The following ODR4 variants were observed in gnomAD, a reference collection of about 807,000 sequenced individuals.
The protein encoded by ODR4 is protein odr-4 homolog.
In ODR4, 47 loss-of-function variants were observed where a neutral mutation model predicts 60.2. The observed-to-expected ratio is 0.78, with a 90% CI of 0.62 to 1.00. The LOEUF is 1.00. Ranked by LOEUF, ODR4 falls within the 50% of genes least tolerant of loss-of-function variation. ODR4 has a pLI of 0.00. For missense variants in ODR4, 488 were observed against 530.8 expected (o/e 0.92, Z 0.79); for synonymous variants, 178 against 175.5 (o/e 1.01, Z -0.11).
At chr1:186,422,177 A>G (rs1661801874), downstream of ODR4, among the ~76,000 whole-genome samples, 1 of 152,102 alleles carries the variant, frequency 6.6e-6, no homozygotes. Context: ...GTAGGTAAAT[A>G]CTAAAAACTT....
At chr1:186,409,635 T>G (rs1157689760) in intron 12 of ODR4, among the ~76,000 whole-genome samples, 2 of 152,188 alleles carry the variant, frequency 1.3e-5, no homozygotes, top group Non-Finnish European at 2.9e-5. Context: ...AACCTCTGCC[T>G]CCCGGGTTCA....
chr1:186,379,747 C>G lies in ODR4; in HGVS notation c.-19-20C>G. ...ATGATATTTTACCTAAATGCTGTAT[C>G]TTTTCTTCTTGTGATATAGGAGATT... On this transcript the variant is annotated intron_variant, in intron 1 of 13. Coordinates refer to ENST00000287859, the MANE Select transcript of ODR4 (RefSeq NM_017847.6). The G allele has an allele frequency of 7.7e-7, 1 of 1,302,570 alleles. No individual in the cohort carries two copies. The highest frequency in any genetic ancestry group is 1.1e-6 in the Non-Finnish European group (1 of 927,062). The allele number at this position is 1,302,570 out of a possible 1,614,324, so 80.7% of individuals were successfully genotyped here.
intron 1 of ODR4, among the ~76,000 whole-genome samples, chr1:186,376,431 T>C (rs1417714961): frequency 6.6e-6 from 1 of 152,222 alleles, no homozygotes; most frequent in Non-Finnish European, 1.5e-5. Flanking sequence ...TTTACTCTTA[T>C]GAAAGAATTT....
chr1:186,377,971 G>A (rs1260326086), intron 1 of ODR4, among the ~76,000 whole-genome samples: 1 of 152,032 alleles, frequency 6.6e-6, no homozygotes, highest in Non-Finnish European at 1.5e-5. Context: ...CGTGAACCTG[G>A]GAGGTGGAGC....
In ODR4 at chr1:186,382,329, G is replaced by A. The variant is rs138803635; in HGVS notation, c.100-693G>A. On this transcript the variant is annotated intron_variant, in intron 2 of 13. Coordinates refer to ENST00000287859, the MANE Select transcript of ODR4 (RefSeq NM_017847.6). ...TCCTAGCTACTTGGGAGACTACTTG[G>A]GGGGAGGATTGCTTGAGCCCAGGAG... Among the ~76,000 whole-genome samples the A allele has an allele frequency of 6.6e-5, 10 of 151,864 alleles. No individual in the cohort carries two copies. The South Asian group carries it at 1.7e-3, about 25-fold the overall frequency.
At chr1:186,389,145 CTT>C (rs35036799) in intron 5 of ODR4, among the ~76,000 whole-genome samples, 21 of 143,776 alleles carry the variant, frequency 1.5e-4, no homozygotes, top group Non-Finnish European at 9.2e-5. Flanking sequence ...AGAAGCAGGG[CTT>C]TTTTTTTTTT....
intron 3 of ODR4, among the ~76,000 whole-genome samples, chr1:186,384,549 T>TG (rs1358565187): frequency 1.3e-5 from 2 of 149,848 alleles, no homozygotes; most frequent in Non-Finnish European, 3.0e-5. Flanking sequence ...ATTTTGCTTT[T>TG]GGTCTCTCAT....
intron 1 of ODR4, among the ~76,000 whole-genome samples, chr1:186,379,443 C>CAA (rs57320656): frequency 6.0e-4 from 35 of 58,436 alleles, no homozygotes; most frequent in African/African-American, 1.5e-3. Flanking sequence ...AACTCCGTCT[C>CAA]AAAAAAAAAA....
chr1:186,403,702 CTTG>C (rs1351930806), intron 11 of ODR4, among the ~76,000 whole-genome samples: 11 of 151,834 alleles, frequency 7.2e-5, no homozygotes, highest in Admixed American at 3.3e-4. Flanking sequence ...AATCCTTGCA[CTTG>C]TTGTGATCTT....
chr1:186,401,014 A>G, intron 11 of ODR4: 1 of 1,573,586 alleles, frequency 6.4e-7, no homozygotes, highest in South Asian at 1.1e-5. Flanking sequence ...TGTATATTAT[A>G]GCTGCATTGC....
intron 9 of ODR4, among the ~76,000 whole-genome samples, chr1:186,395,483 A>G (rs577208735): frequency 1.3e-5 from 2 of 152,292 alleles, no homozygotes; most frequent in South Asian, 2.1e-4. Context: ...ACTAATATAC[A>G]GTAAGTAGTC....
chr1:186,379,558 G>C (rs748115591), intron 1 of ODR4, among the ~76,000 whole-genome samples: 60 of 151,820 alleles, frequency 4.0e-4, no homozygotes, highest in Admixed American at 5.9e-4. Flanking sequence ...TGGTTGATTT[G>C]TGGTTGTTTC....
downstream of ODR4, among the ~76,000 whole-genome samples, chr1:186,423,954 A>G (rs1387335980): frequency 3.3e-5 from 5 of 152,230 alleles, no homozygotes; most frequent in Non-Finnish European, 7.3e-5. Flanking sequence ...GATGTGCCTC[A>G]GTCTTTCACA....
In ODR4 at chr1:186,389,473, T is replaced by C. The variant is rs563968125; in HGVS notation, c.438-115T>C. The C allele has an allele frequency of 1.1e-4, 82 of 743,404 alleles. No individual in the cohort carries two copies. In the African/African-American group the frequency reaches 1.2e-3, roughly 11 times the overall value. The allele number at this position is 743,404 out of a possible 1,614,324, so 46.1% of individuals were successfully genotyped here. ...ATGTACGCATATCTTTAAAGTGTTA[T>C]GATTTTGTAAGAACTTTTGGATGCG... is the stretch of plus-strand genomic sequence containing the variant. On this transcript the variant is annotated intron_variant, in intron 5 of 13. Transcript: ENST00000287859.
At chr1:186,398,207 G>A in intron 9 of ODR4, 106 bp from the exon 10 acceptor site, 1 of 1,050,982 alleles carries the variant, frequency 9.5e-7, no homozygotes, top group African/African-American at 1.6e-5. Context: ...GCTTGGCTCA[G>A]TCAAAACTTT....
chr1:186,402,557 G>A (rs1187464191), intron 11 of ODR4, among the ~76,000 whole-genome samples: 2 of 151,308 alleles, frequency 1.3e-5, no homozygotes, highest in African/African-American at 4.9e-5. Context: ...GGGCCACCAC[G>A]CCTGGCTAAT....
chr1:186,387,013 A>G (rs1381040580), intron 4 of ODR4, among the ~76,000 whole-genome samples: 1 of 152,156 alleles, frequency 6.6e-6, no homozygotes, highest in Non-Finnish European at 1.5e-5. Flanking sequence ...ATCCACATGA[A>G]CTTTTTGAAG....
At chr1:186,422,846 A>G (rs186334038), downstream of ODR4, among the ~76,000 whole-genome samples, 427 of 152,328 alleles carry the variant, frequency 2.8e-3, 4 homozygotes, top group African/African-American at 1.0e-2. Flanking sequence ...GAATAAATCA[A>G]TGAATTAGAA....
intron 4 of ODR4, among the ~76,000 whole-genome samples, chr1:186,388,027 C>T (rs1314705042): frequency 6.6e-6 from 1 of 152,124 alleles, no homozygotes; most frequent in African/African-American, 2.4e-5. Flanking sequence ...TAATTAAAGT[C>T]TCTGTTCTAT....
Sources: gnomAD v4.1 joint callset for allele counts (sites outside exome capture counted in the v4.1 genomes callset) on GRCh38, gnomAD v4.1.1 for gene constraint, MANE v1.5 for transcripts, NCBI Gene and HGNC (gene_info 2026-07-23, HGNC 2026-07-21) for gene names.